Variants in STEAP2 observed in about 807,000 individuals in gnomAD.
STEAP2 encodes the protein metalloreductase STEAP2.
Under a neutral mutation model 46.4 loss-of-function variants are expected in STEAP2, and 30 were observed. That is an observed-to-expected ratio of 0.65 (90% CI 0.48 to 0.88). The LOEUF (loss-of-function observed/expected upper bound fraction) is 0.88, where lower values mean the gene tolerates loss of function less well. Among genes scored for constraint, STEAP2 ranks in the 40% least tolerant of loss-of-function variants. The pLI is 0.00. For synonymous variants in STEAP2, 180 were observed against 200.5 expected (o/e 0.90, Z 0.86); for missense variants, 513 against 579.3 (o/e 0.89, Z 1.18).
At chr7:90,230,851 T>C (rs1027156597) in intron 5 of STEAP2, among the ~76,000 whole-genome samples, 3 of 151,842 alleles carry the variant, frequency 2.0e-5, no homozygotes, top group Non-Finnish European at 4.4e-5. Flanking sequence ...TTGCTTGTTT[T>C]TTTTTTTAAG....
At chr7:90,230,841 T>C (rs1301442885) in intron 5 of STEAP2, among the ~76,000 whole-genome samples, 1 of 151,794 alleles carries the variant, frequency 6.6e-6, no homozygotes, top group Non-Finnish European at 1.5e-5. Context: ...CATTGCTTAT[T>C]TGCTTGTTTT....
chr7:90,241,237 GAT>G (rs1796055870), downstream of STEAP2, among the ~76,000 whole-genome samples: 2 of 151,994 alleles, frequency 1.3e-5, no homozygotes, highest in Non-Finnish European at 2.9e-5. Context: ...TGAGGCTGAG[GAT>G]CTTGAGAGAT....
intron 2 of STEAP2, among the ~76,000 whole-genome samples, chr7:90,224,288 C>T (rs1372216770): frequency 6.6e-6 from 1 of 152,182 alleles, no homozygotes; most frequent in Non-Finnish European, 1.5e-5. Context: ...TGTCAGTTCA[C>T]TATTGCCATG....
In STEAP2 at chr7:90,227,483, CA is replaced by C; in HGVS notation, c.1006del (p.Met336TrpfsTer30). 1 of 1,582,354 alleles carries C rather than the reference CA, an allele frequency of 6.3e-7. No individual in the cohort carries two copies. The highest frequency in any genetic ancestry group is 8.6e-7 in the Non-Finnish European group (1 of 1,158,596). On this transcript the variant is annotated frameshift_variant, in exon 4 of 6. Transcript: ENST00000394621. ...GGTCAGAGAGATATTTGTTTCTCAA[CA>C]TGGCTTATCAGCAGGTACTGAATGT... ...RRSERYLFLNMAYQQVHANIE... is the reference protein window; with the variant it reads ...RRSERYLFLNXAYQQVHANIE...
chr7:90,225,568 C>A lies in STEAP2; in HGVS notation c.486C>A (p.Ser162Arg). ...TTCAGTTAGGACCTAAGGATGCCAGCCGGCAGGTATGTATTTTACATTTTT... is the reference window on the plus strand; with the variant it reads ...TTCAGTTAGGACCTAAGGATGCCAGACGGCAGGTATGTATTTTACATTTTT... ...WALQLGPKDA[S>R]RQVYICSNNI... Residue 162 changes from serine (S) to arginine (R), a missense_variant, in exon 3 of 6, where the codon AGC (serine) becomes AGA (arginine). By Grantham distance (110) the Ser-to-Arg change is moderately radical. Transcript: ENST00000394621. 6.3e-7 allele frequency: 1 copy of A among 1,586,232 alleles called. No individual in the cohort carries two copies. The highest frequency in any genetic ancestry group is 8.6e-7 in the Non-Finnish European group (1 of 1,169,250).
chr7:90,231,006 A>T (rs554217784), intron 5 of STEAP2, among the ~76,000 whole-genome samples: 64 of 152,080 alleles, frequency 4.2e-4, no homozygotes, highest in Non-Finnish European at 7.8e-4. Context: ...GATGCAAATT[A>T]TCATTATAAA....
At chr7:90,242,074 C>T (rs575357532), downstream of STEAP2, among the ~76,000 whole-genome samples, 27 of 148,772 alleles carry the variant, frequency 1.8e-4, no homozygotes, top group South Asian at 2.1e-3. Flanking sequence ...AAACAAATAC[C>T]GTTAGAGCTA....
chr7:90,225,190 T>C lies in STEAP2; in HGVS notation c.108T>C (p.Ile36=). 1 of 1,614,046 alleles carries C rather than the reference T, an allele frequency of 6.2e-7. No individual in the cohort carries two copies. Among genetic ancestry groups the C allele is most frequent in the African/African-American group, 1.3e-5 (1 of 75,050 alleles). ...CAAGGAAGGTCACTGTAGGTGTGAT[T>C]GGAAGTGGAGATTTTGCCAAATCCT... ...KDARKVTVGV[I]GSGDFAKSLT... The change falls in exon 3 of 6, where the codon ATT becomes ATC. Residue 36 remains isoleucine (I), a synonymous_variant. Coordinates refer to ENST00000394621, the MANE Select transcript of STEAP2 (RefSeq NM_001244944.2).
At chr7:90,230,166 T>C in intron 5 of STEAP2, 130 bp downstream of exon 5, 6 of 1,490,796 alleles carry the variant, frequency 4.0e-6, no homozygotes, top group South Asian at 1.4e-5. Context: ...AGATACATTA[T>C]GCTGGAAGCC....
chr7:90,232,396 G>A lies in STEAP2; in HGVS notation c.1245G>A (p.Trp415Ter), dbSNP rs1177110875. Residue 415 changes from tryptophan (W) to a stop codon, truncating the protein, a stop_gained, in exon 6 of 6, where the codon TGG (tryptophan) becomes TGA (stop). Coordinates refer to ENST00000394621, the MANE Select transcript of STEAP2 (RefSeq NM_001244944.2). LOFTEE classifies it high-confidence loss of function. The part of the protein sequence containing the change: ...ISTFHVLIYG[W>*]KRAFEEEYYR... ...CTTTCCATGTTTTAATTTATGGATG[G>A]AAACGAGCTTTTGAGGAAGAGTACT... is the stretch of plus-strand genomic sequence containing the variant. 6.2e-7 allele frequency: 1 copy of A among 1,613,248 alleles called. No homozygotes were observed. Among genetic ancestry groups the A allele is most frequent in the Non-Finnish European group, 8.5e-7 (1 of 1,179,504 alleles).
chr7:90,228,110 G>A lies in STEAP2; in HGVS notation c.1020+612G>A, dbSNP rs1032729118. 3.3e-5 allele frequency among the ~76,000 whole-genome samples: 5 copies of A among 152,018 alleles called. No individual in the cohort carries two copies. The South Asian group carries it at 1.0e-3, about 32-fold the overall frequency. On this transcript the variant is annotated intron_variant, in intron 4 of 5. Coordinates refer to ENST00000394621, the MANE Select transcript of STEAP2 (RefSeq NM_001244944.2). ...TAGCTCTAAAAAAAAAAATCTCAGG[G>A]AGCACTTCATGGAAGGGGTTTGATT...
chr7:90,227,818 A>G (rs1795565429), intron 4 of STEAP2, among the ~76,000 whole-genome samples: 1 of 152,194 alleles, frequency 6.6e-6, no homozygotes, highest in Non-Finnish European at 1.5e-5. Context: ...TTAATGTTTT[A>G]TAATTGGCTG....
intron 1 of STEAP2, among the ~76,000 whole-genome samples, chr7:90,213,428 G>A (rs961303759): frequency 1.4e-4 from 22 of 152,158 alleles, no homozygotes; most frequent in Non-Finnish European, 2.8e-4. Context: ...GACTGCAGGC[G>A]TGATAAAGGA....
At position 90,211,972 on chromosome 7, in the gene STEAP2, G is replaced by A. The variant is rs1410684593; in HGVS notation, c.-220G>A. ...GGCCCTGGCCCCCGGGTGGGCCCTT[G>A]GGGAGTCGGCGCCGCTCCCGGGGAG... is the stretch of plus-strand genomic sequence containing the variant. On this transcript the variant is annotated 5_prime_UTR_variant, in exon 1 of 6. Coordinates refer to ENST00000394621, the MANE Select transcript of STEAP2 (RefSeq NM_001244944.2). 1 of 152,364 alleles carries A rather than the reference G, an allele frequency of 6.6e-6. No homozygotes were observed. Among genetic ancestry groups the A allele is most frequent in the East Asian group, 1.9e-4 (1 of 5,182 alleles). 9.4% of individuals were successfully genotyped at this position (152,364 alleles called of 1,614,324 possible).
intron 3 of STEAP2, 58 bp downstream of exon 3, chr7:90,225,632 G>T: frequency 6.7e-7 from 1 of 1,488,586 alleles, no homozygotes; most frequent in Non-Finnish European, 8.9e-7. Flanking sequence ...AAACAACTAA[G>T]CAAATATCAA....
At chr7:90,225,663 G>T in intron 3 of STEAP2, 89 bp downstream of exon 3, 1 of 1,357,098 alleles carries the variant, frequency 7.4e-7, no homozygotes, top group Non-Finnish European at 9.9e-7. Context: ...ACCAAACTCT[G>T]ACACTTTCCA....
At chr7:90,216,919 A>G (rs932905571) in intron 2 of STEAP2, among the ~76,000 whole-genome samples, 3 of 152,190 alleles carry the variant, frequency 2.0e-5, no homozygotes, top group African/African-American at 7.2e-5. Context: ...TAGGGTTGAG[A>G]AATACTGCTT....
chr7:90,238,688 T>G (rs935899532), downstream of STEAP2, among the ~76,000 whole-genome samples: 1 of 152,186 alleles, frequency 6.6e-6, no homozygotes, highest in Non-Finnish European at 1.5e-5. Context: ...GTACTCCCCA[T>G]AGAGTGGCAG....
intron 2 of STEAP2, among the ~76,000 whole-genome samples, chr7:90,224,451 GCTACTCTAGGCACACTGC>G (rs1237124356): frequency 4.6e-5 from 7 of 152,310 alleles, no homozygotes; most frequent in African/African-American, 1.7e-4. Context: ...CCACTGAGCT[GCTACTCTAGGCACACTGC>G]CTACGGGGTA....
Sources: gnomAD v4.1 joint callset for allele counts (sites outside exome capture counted in the v4.1 genomes callset) on GRCh38, gnomAD v4.1.1 for gene constraint, MANE v1.5 for transcripts, NCBI Gene and HGNC (gene_info 2026-07-23, HGNC 2026-07-21) for gene names.